The following ZNF654 variants were observed in gnomAD, a reference collection of about 807,000 sequenced individuals.
ZNF654 encodes the protein zinc finger protein 654, also known as melanoma-associated antigen.
ZNF654 carries 19 observed loss-of-function variants against 95.3 expected under a neutral mutation model. The ratio of observed to expected loss-of-function variants is 0.20; its 90% CI spans 0.14 to 0.29. The LOEUF (loss-of-function observed/expected upper bound fraction) is 0.29, where lower values mean the gene tolerates loss of function less well. ZNF654 is among the 10% of genes least tolerant of loss of function. ZNF654 has a pLI of 1.00. For synonymous variants in ZNF654, 413 were observed against 457.9 expected (o/e 0.90, Z 1.25); for missense variants, 1,046 against 1,341.0 (o/e 0.78, Z 3.44).
intron 1 of ZNF654, among the ~76,000 whole-genome samples, chr3:88,072,233 C>T (rs138409269): frequency 2.6e-5 from 4 of 152,250 alleles, no homozygotes; most frequent in East Asian, 1.9e-4. Flanking sequence ...TGACCCTGAT[C>T]CAAACTATAG....
At chr3:88,100,725 C>T (rs373237639) in intron 2 of ZNF654, among the ~76,000 whole-genome samples, 6 of 151,966 alleles carry the variant, frequency 3.9e-5, no homozygotes, top group East Asian at 3.9e-4. Context: ...AACCAAACAC[C>T]GCCATGTTCT....
rs1485291249 is a variant in ZNF654 at position 88,144,507 on chromosome 3, C to T, written c.*2855C>T. On this transcript the variant is annotated 3_prime_UTR_variant, in exon 9 of 9. Transcript: ENST00000636215. The stretch of plus-strand genomic sequence containing the variant: ...TCAGCAAGAAAGGAAATTTGTGCTT[C>T]CTTGTTGAATGTTAAATTATTTTAC... 1 of 152,316 alleles carries T rather than the reference C, an allele frequency of 6.6e-6. No individual in the cohort carries two copies. The highest frequency in any genetic ancestry group is 1.5e-5 in the Non-Finnish European group (1 of 67,852). 9.4% of individuals were successfully genotyped at this position (152,316 alleles called of 1,614,324 possible). A position where few individuals can be genotyped will look rare whatever the true frequency, so the allele number is the denominator to read the frequency against.
intron 1 of ZNF654, among the ~76,000 whole-genome samples, chr3:88,074,616 T>C (rs182209350): frequency 2.8e-4 from 42 of 152,244 alleles, no homozygotes; most frequent in Admixed American, 2.3e-3. Context: ...TGCTGGATTA[T>C]AAGCGTGAGC....
At chr3:88,060,221 A>AC (rs1044602092) in intron 1 of ZNF654, among the ~76,000 whole-genome samples, 38 of 151,732 alleles carry the variant, frequency 2.5e-4, no homozygotes, top group African/African-American at 8.5e-4. Context: ...AACATCACCA[A>AC]CCCCCCTCAT....
At chr3:88,130,908 TTATACCATG>T (rs1429904633) in intron 6 of ZNF654, among the ~76,000 whole-genome samples, 2 of 152,142 alleles carry the variant, frequency 1.3e-5, no homozygotes, top group Non-Finnish European at 2.9e-5. Context: ...TTATTTAAAA[TTATACCATG>T]TAAATTGGAA....
At chr3:88,088,907 G>A (rs1299410873) in intron 2 of ZNF654, among the ~76,000 whole-genome samples, 1 of 151,464 alleles carries the variant, frequency 6.6e-6, no homozygotes, top group Non-Finnish European at 1.5e-5. Flanking sequence ...CGAGTAGCTG[G>A]GATGACAGGC....
At chr3:88,069,800 C>T (rs1358289710) in intron 1 of ZNF654, among the ~76,000 whole-genome samples, 1 of 152,110 alleles carries the variant, frequency 6.6e-6, no homozygotes, top group Non-Finnish European at 1.5e-5. Flanking sequence ...GACTGCAAAC[C>T]AGTAGAAGTT....
intron 2 of ZNF654, among the ~76,000 whole-genome samples, chr3:88,098,599 T>G (rs1452976124): frequency 6.6e-6 from 1 of 152,116 alleles, no homozygotes; most frequent in Non-Finnish European, 1.5e-5. Context: ...ACTGGCAAAC[T>G]GAATCCAGCA....
chr3:88,060,583 A>T (rs1181155919), intron 1 of ZNF654, among the ~76,000 whole-genome samples: 1 of 152,178 alleles, frequency 6.6e-6, no homozygotes, highest in African/African-American at 2.4e-5. Context: ...TCCTGGCAGA[A>T]ATTATTACCT....
intron 2 of ZNF654, among the ~76,000 whole-genome samples, chr3:88,106,807 A>AT (rs940131296): frequency 2.9e-4 from 44 of 151,594 alleles, no homozygotes; most frequent in Non-Finnish European, 4.3e-4. Context: ...TTATATGAGG[A>AT]TTTTTTTTTC....
Position 88,135,241 on chromosome 3 carries a change from G to GT in ZNF654, c.1035+40dup, listed in dbSNP as rs934750896. 3 of 1,353,974 alleles carry GT rather than the reference G, an allele frequency of 2.2e-6. No individual in the cohort carries two copies. The African/African-American group carries it at 4.6e-5, about 21-fold the overall frequency. The allele number at this position is 1,353,974 out of a possible 1,614,324, so 83.9% of individuals were successfully genotyped here. A position where few individuals can be genotyped will look rare whatever the true frequency, so the allele number is the denominator to read the frequency against. ...ATTTGTCCCTTAAATTTAAAATTGA[G>GT]TGACAGTTCACTGAAACTTGAATCT... is the stretch of plus-strand genomic sequence containing the variant. On this transcript the variant is annotated intron_variant, in intron 7 of 8. Coordinates refer to ENST00000636215, the MANE Select transcript of ZNF654 (RefSeq NM_001350134.2).
In ZNF654 at chr3:88,059,271, G is replaced by A. The variant is rs551670640; in HGVS notation, c.-49G>A. The A allele has an allele frequency of 1.5e-4, 232 of 1,527,072 alleles. 4 individuals carry two copies. The South Asian group carries it at 2.6e-3, about 17-fold the overall frequency. The allele number at this position is 1,527,072 out of a possible 1,614,324, so 94.6% of individuals were successfully genotyped here. A position where few individuals can be genotyped will look rare whatever the true frequency, so the allele number is the denominator to read the frequency against. ...GAGGAGGTTAGCCTAGGCATCTACG[G>A]CGGCGGCGGCGGCGCAGGGGCTGGT... is the stretch of plus-strand genomic sequence containing the variant. On this transcript the variant is annotated 5_prime_UTR_variant, in exon 1 of 9. Transcript: ENST00000636215.
At chr3:88,134,785 TTC>T (rs991515737) in intron 6 of ZNF654, among the ~76,000 whole-genome samples, 21 of 152,184 alleles carry the variant, frequency 1.4e-4, no homozygotes, top group African/African-American at 4.6e-4. Context: ...GGATTAGAAT[TTC>T]TGTTTTGATC....
At chr3:88,137,991 T>C (rs1453097602) in intron 7 of ZNF654, among the ~76,000 whole-genome samples, 4 of 152,176 alleles carry the variant, frequency 2.6e-5, no homozygotes, top group Admixed American at 6.6e-5. Flanking sequence ...GACACTATTA[T>C]AACTAAGATG....
At chr3:88,090,670 C>A (rs1708584895) in intron 2 of ZNF654, among the ~76,000 whole-genome samples, 1 of 152,156 alleles carries the variant, frequency 6.6e-6, no homozygotes. Context: ...TCACCATTCA[C>A]TCACTGACAC....
At chr3:88,087,957 C>T (rs983990956) in intron 2 of ZNF654, among the ~76,000 whole-genome samples, 4 of 152,078 alleles carry the variant, frequency 2.6e-5, no homozygotes, top group Non-Finnish European at 4.4e-5. Context: ...CTCATTGGAA[C>T]GTTACAGATT....
At chr3:88,128,761 G>A in intron 4 of ZNF654, 48 bp from the exon 5 acceptor site, 1 of 1,327,946 alleles carries the variant, frequency 7.5e-7, no homozygotes, top group Non-Finnish European at 1.0e-6. Flanking sequence ...CAAAGTTTGA[G>A]AGAATCTTTT....
At position 88,129,682 on chromosome 3, in the gene ZNF654, T is replaced by C; in HGVS notation, c.754-5T>C. The C allele has an allele frequency of 6.8e-7, 1 of 1,463,574 alleles. No homozygotes were observed. The highest frequency in any genetic ancestry group is 9.1e-7 in the Non-Finnish European group (1 of 1,102,684). The allele number at this position is 1,463,574 out of a possible 1,614,324, so 90.7% of individuals were successfully genotyped here. A position where few individuals can be genotyped will look rare whatever the true frequency, so the allele number is the denominator to read the frequency against. On this transcript the variant is annotated splice_region_variant and splice_polypyrimidine_tract_variant and intron_variant, in intron 5 of 8. Coordinates refer to ENST00000636215, the MANE Select transcript of ZNF654 (RefSeq NM_001350134.2). Reference sequence around the variant, plus strand: ...TATGAACTGATTTCTCTTTTCCTCTTACAGCATTTATTGAAAACTGATTGT... The same window carrying C: ...TATGAACTGATTTCTCTTTTCCTCTCACAGCATTTATTGAAAACTGATTGT...
intron 1 of ZNF654, among the ~76,000 whole-genome samples, chr3:88,072,001 C>T (rs1707543847): frequency 6.6e-6 from 1 of 152,206 alleles, no homozygotes; most frequent in South Asian, 2.1e-4. Context: ...TACTATCAAT[C>T]AGTTGAATAT....
Sources: allele counts gnomAD v4.1 joint callset (sites outside exome capture counted in the v4.1 genomes callset), GRCh38; gene constraint gnomAD v4.1.1; transcripts MANE v1.5; gene names NCBI Gene and HGNC (gene_info 2026-07-23, HGNC 2026-07-21).